NELL1: variants seen among roughly 807,000 people sequenced by gnomAD.
NELL1 encodes the protein neural EGFL like 1.
NELL1 carries 76 observed loss-of-function variants against 107.4 expected under a neutral mutation model. The ratio of observed to expected loss-of-function variants is 0.71; its 90% CI spans 0.59 to 0.86. The LOEUF is 0.86. NELL1 is among the 40% of genes least tolerant of loss of function. The pLI, the probability that NELL1 is intolerant of heterozygous loss-of-function variation, is 0.00. For missense variants in NELL1, 1,024 were observed against 1,005.5 expected (o/e 1.02, Z -0.25); for synonymous variants, 353 against 341.2 (o/e 1.03, Z -0.38).
intron 15 of NELL1, among the ~76,000 whole-genome samples, chr11:21,403,606 C>CAA (rs11331255): frequency 2.0e-4 from 29 of 143,250 alleles, no homozygotes; most frequent in African/African-American, 6.8e-4. Context: ...TGTAGCTCTT[C>CAA]AAAAAAAAAA....
At chr11:21,028,184 T>C (rs935532021) in intron 12 of NELL1, among the ~76,000 whole-genome samples, 3 of 152,196 alleles carry the variant, frequency 2.0e-5, no homozygotes, top group African/African-American at 7.2e-5. Context: ...ACATAAGATG[T>C]CCTTGTTTGG....
rs1554905740 is a variant in NELL1 at position 21,404,008 on chromosome 11, C to CCG, written c.1645+33061_1645+33062insGC. ...AAAATATCTCTGTCATTCCTGAACC[C>CCG]CCCCCCCCGCAATCAAAACCACTGG... is the stretch of plus-strand genomic sequence containing the variant. On this transcript the variant is annotated intron_variant, in intron 15 of 19. Coordinates refer to ENST00000357134, the MANE Select transcript of NELL1 (RefSeq NM_006157.5). Among the ~76,000 whole-genome samples the CCG allele has an allele frequency of 1.5e-4, 15 of 99,652 alleles. 1 individual carries two copies. In the South Asian group the frequency reaches 2.7e-3, roughly 18 times the overall value. 65.4% of individuals were successfully genotyped at this position (99,652 alleles called of 152,430 possible).
intron 5 of NELL1, among the ~76,000 whole-genome samples, chr11:20,904,810 T>C (rs1219795920): frequency 6.6e-6 from 1 of 151,866 alleles, no homozygotes. Flanking sequence ...AAATTTTTTT[T>C]TAAGTTTTTT....
intron 2 of NELL1, among the ~76,000 whole-genome samples, chr11:20,687,612 G>T (rs61880542): frequency 5.0e-4 from 73 of 145,328 alleles, no homozygotes; most frequent in African/African-American, 1.8e-3. Context: ...TTTTTTTTCC[G>T]TGACAGTTTT....
chr11:21,513,968 T>C (rs1179505305), intron 15 of NELL1, among the ~76,000 whole-genome samples: 1 of 152,182 alleles, frequency 6.6e-6, no homozygotes, highest in Non-Finnish European at 1.5e-5. Flanking sequence ...GGACTGAGCA[T>C]ACCAATGCTG....
At chr11:21,391,937 T>G (rs1851887242) in intron 15 of NELL1, among the ~76,000 whole-genome samples, 1 of 151,874 alleles carries the variant, frequency 6.6e-6, no homozygotes, top group Admixed American at 6.6e-5. Context: ...TTCATTCTTT[T>G]GAACCATTCA....
At chr11:20,684,594 C>T (rs1854263512) in intron 2 of NELL1, among the ~76,000 whole-genome samples, 1 of 152,050 alleles carries the variant, frequency 6.6e-6, no homozygotes, top group African/African-American at 2.4e-5. Flanking sequence ...TGATTTTTCT[C>T]CTCATTACTT....
chr11:20,932,746 G>GC (rs1156746111), intron 9 of NELL1, among the ~76,000 whole-genome samples: 1 of 152,168 alleles, frequency 6.6e-6, no homozygotes, highest in Non-Finnish European at 1.5e-5. Context: ...TAAAGCCCTG[G>GC]CAGTCTGGCT....
chr11:20,899,750 A>G lies in NELL1; in HGVS notation c.603+14210A>G, dbSNP rs1193106852. Among the ~76,000 whole-genome samples the G allele has an allele frequency of 2.0e-5, 3 of 152,180 alleles. No individual in the cohort carries two copies. In the East Asian group the frequency reaches 5.8e-4, roughly 29 times the overall value. ...AGAAAATGAGAGAAGGCATAAATAT[A>G]TTAGAAATAAAAAAAGCATATAACA... On this transcript the variant is annotated intron_variant, in intron 5 of 19. Transcript: ENST00000357134.
intron 14 of NELL1, among the ~76,000 whole-genome samples, chr11:21,236,433 A>T (rs1285860854): frequency 1.3e-5 from 2 of 152,188 alleles, no homozygotes; most frequent in Non-Finnish European, 2.9e-5. Flanking sequence ...TTATTCTGAA[A>T]AATCAAAGAC....
intron 3 of NELL1, among the ~76,000 whole-genome samples, chr11:20,802,230 T>A (rs1857293859): frequency 6.6e-6 from 1 of 152,188 alleles, no homozygotes; most frequent in South Asian, 2.1e-4. Flanking sequence ...GGAATGTTTT[T>A]CCATTTGTGT....
chr11:21,278,568 A>G (rs901103714), intron 14 of NELL1, among the ~76,000 whole-genome samples: 1 of 152,152 alleles, frequency 6.6e-6, no homozygotes, highest in African/African-American at 2.4e-5. Context: ...ATATACTTAG[A>G]TTTAAATCTA....
chr11:20,997,191 G>T (rs1284944989), intron 12 of NELL1, among the ~76,000 whole-genome samples: 1 of 152,164 alleles, frequency 6.6e-6, no homozygotes, highest in East Asian at 1.9e-4. Flanking sequence ...ATATTTGTTG[G>T]TTTCCAATTC....
At chr11:21,386,099 T>C (rs1388902660) in intron 15 of NELL1, among the ~76,000 whole-genome samples, 1 of 151,838 alleles carries the variant, frequency 6.6e-6, no homozygotes, top group Non-Finnish European at 1.5e-5. Flanking sequence ...TTACTTGTTT[T>C]CTCTTCCATC....
At chr11:21,311,802 A>C in intron 14 of NELL1, among the ~76,000 whole-genome samples, 1 of 152,136 alleles carries the variant, frequency 6.6e-6, no homozygotes, top group East Asian at 1.9e-4. Context: ...AGGTATTATT[A>C]TTTCATTTTA....
chr11:21,337,431 A>G (rs2032363), intron 14 of NELL1, among the ~76,000 whole-genome samples: 82,322 of 151,460 alleles, frequency 0.54, 22,740 homozygotes, highest in Admixed American at 0.65. Flanking sequence ...TATGCTTTGG[A>G]TCTTGCTCTT....
chr11:21,560,513 C>T, intron 17 of NELL1, 131 bp downstream of exon 17: 1 of 749,806 alleles, frequency 1.3e-6, no homozygotes, highest in South Asian at 2.0e-5. Flanking sequence ...TTCTTATCTA[C>T]ATTACAGCTA....
intron 15 of NELL1, among the ~76,000 whole-genome samples, chr11:21,497,419 CTG>C (rs1370628659): frequency 6.6e-6 from 1 of 152,030 alleles, no homozygotes; most frequent in Non-Finnish European, 1.5e-5. Context: ...TTACTATTTT[CTG>C]GATAGCATAT....
chr11:21,020,879 G>A (rs951174945), intron 12 of NELL1, among the ~76,000 whole-genome samples: 4 of 151,876 alleles, frequency 2.6e-5, no homozygotes, highest in African/African-American at 9.7e-5. Context: ...CATGCAGCTG[G>A]CCAGCTGGAC....
Sources: gnomAD v4.1 joint callset for allele counts (sites outside exome capture counted in the v4.1 genomes callset) on GRCh38, gnomAD v4.1.1 for gene constraint, MANE v1.5 for transcripts, NCBI Gene and HGNC (gene_info 2026-07-23, HGNC 2026-07-21) for gene names.